NEK10: variants seen among roughly 807,000 people sequenced by gnomAD.
NEK10 encodes NIMA related kinase 10.
Under a neutral mutation model 159.8 loss-of-function variants are expected in NEK10, and 122 were observed. That is an observed-to-expected ratio of 0.76 (90% CI 0.66 to 0.89). NEK10 has a LOEUF of 0.89. NEK10 is among the 40% of genes least tolerant of loss of function. The probability of loss-of-function intolerance (pLI) is 0.00; values close to 1 mark genes in which losing one functional copy is unlikely to be tolerated. For synonymous variants in NEK10, 466 were observed against 457.1 expected (o/e 1.02, Z -0.25); for missense variants, 1,342 against 1,323.1 (o/e 1.01, Z -0.22).
At position 27,344,315 on chromosome 3, in the gene NEK10, GAAA is replaced by G; in HGVS notation, c.316_318del (p.Phe106del). ...TTCACCAAGGCGGTAAAGATCTCCT[GAAA>G]TAGTTTACGCTGAGGATGTTTGCTG... On this transcript the variant is annotated inframe_deletion, in exon 5 of 36. Coordinates refer to ENST00000691995, the MANE Select transcript of NEK10 (RefSeq NM_001394966.1). The G allele has an allele frequency of 6.3e-7, 1 of 1,599,296 alleles. No homozygotes were observed. The highest frequency in any genetic ancestry group is 8.5e-7 in the Non-Finnish European group (1 of 1,170,072).
chr3:27,338,836 T>G (rs1285538519), intron 5 of NEK10, among the ~76,000 whole-genome samples: 2 of 152,222 alleles, frequency 1.3e-5, no homozygotes, highest in East Asian at 3.9e-4. Flanking sequence ...CTTTGTCAGA[T>G]GGCTAGATTG....
chr3:27,210,034 A>G (rs980436415), intron 23 of NEK10, among the ~76,000 whole-genome samples: 3 of 140,084 alleles, frequency 2.1e-5, no homozygotes, highest in Non-Finnish European at 3.2e-5. Flanking sequence ...TGAAAGTCTG[A>G]TAAGAGACAT....
At chr3:27,242,723 C>T (rs1470645005) in intron 23 of NEK10, among the ~76,000 whole-genome samples, 2 of 152,104 alleles carry the variant, frequency 1.3e-5, no homozygotes, top group East Asian at 3.8e-4. Flanking sequence ...TACAGATGAA[C>T]TCAGAAGAAT....
chr3:27,262,364 T>C (rs535554181), intron 22 of NEK10, among the ~76,000 whole-genome samples: 1 of 152,304 alleles, frequency 6.6e-6, no homozygotes, highest in Non-Finnish European at 1.5e-5. Context: ...ATTTCCTGAA[T>C]TTAAATGTTG....
In NEK10 at chr3:27,150,359, C is replaced by T. The variant is rs1204367032; in HGVS notation, c.2870-8777G>A. Among the ~76,000 whole-genome samples, 3 of 152,114 alleles carry T rather than the reference C, an allele frequency of 2.0e-5. No homozygotes were observed. The East Asian group carries it at 5.8e-4, about 29-fold the overall frequency. ...CATAGCTAGGGAGGAGAAATCAAAG[C>T]CTGGCTTCAAAGTACAGGCTGACTC... On this transcript the variant is annotated intron_variant, in intron 30 of 35. Coordinates refer to ENST00000691995, the MANE Select transcript of NEK10 (RefSeq NM_001394966.1).
At chr3:27,124,151 G>A (rs944325795) in intron 32 of NEK10, among the ~76,000 whole-genome samples, 1 of 152,040 alleles carries the variant, frequency 6.6e-6, no homozygotes, top group Non-Finnish European at 1.5e-5. Context: ...CTACAAGTAA[G>A]GGGGGCCTGG....
chr3:27,136,153 C>T (rs1943182962), intron 31 of NEK10, among the ~76,000 whole-genome samples: 1 of 143,806 alleles, frequency 7.0e-6, no homozygotes, highest in African/African-American at 2.6e-5. Context: ...TGCTCTGTCA[C>T]CCAGGCTGGA....
chr3:27,309,008 GA>G lies in NEK10; in HGVS notation c.637-4del. 6.7e-7 allele frequency: 1 copy of G among 1,501,766 alleles called. No individual in the cohort carries two copies. Among genetic ancestry groups the G allele is most frequent in the Non-Finnish European group, 9.2e-7 (1 of 1,083,334 alleles). The allele number at this position is 1,501,766 out of a possible 1,614,324, so 93.0% of individuals were successfully genotyped here. A position where few individuals can be genotyped will look rare whatever the true frequency, so the allele number is the denominator to read the frequency against. On this transcript the variant is annotated splice_region_variant and splice_polypyrimidine_tract_variant and intron_variant, in intron 9 of 35. Coordinates refer to ENST00000691995, the MANE Select transcript of NEK10 (RefSeq NM_001394966.1). ...GCACCAAGTAAATTTACTAATGTCT[GA>G]AAAATGAAGTAAAATAAAGTTTAAT...
intron 3 of NEK10, among the ~76,000 whole-genome samples, 175 bp from the exon 4 acceptor site, chr3:27,346,391 A>T (rs1452703306): frequency 6.6e-6 from 1 of 152,206 alleles, no homozygotes; most frequent in East Asian, 1.9e-4. Context: ...CTTTGACTTA[A>T]ACATCTACCT....
rs1366148808 is a variant in NEK10 at position 27,284,955 on chromosome 3, C to A, written c.1796G>T (p.Arg599Met). ...RYYKTFLEND[R>M]LYIVMELIEG... ...TATCAGCTCCATAACTATGTACAAC[C>A]TATCATCTATATAAATATCACAAAA... is the stretch of plus-strand genomic sequence containing the variant. The change falls in exon 21 of 36, where the codon AGG (arginine) becomes ATG (methionine). Residue 599 changes from arginine to methionine, a missense_variant. Physicochemically the swap from Arg to Met is moderately conservative, Grantham distance 91 (BLOSUM62 -1). Coordinates refer to ENST00000691995, the MANE Select transcript of NEK10 (RefSeq NM_001394966.1). 4 of 1,593,690 alleles carry A rather than the reference C, an allele frequency of 2.5e-6. No homozygotes were observed. The highest frequency in any genetic ancestry group is 2.6e-6 in the Non-Finnish European group (3 of 1,172,586).
At chr3:27,182,704 T>C (rs1302396772) in intron 26 of NEK10, among the ~76,000 whole-genome samples, 2 of 151,968 alleles carry the variant, frequency 1.3e-5, no homozygotes, top group Admixed American at 1.3e-4. Context: ...TAAGTACCCA[T>C]CAAAAGATGA....
chr3:27,331,154 C>T (rs2046363056), intron 5 of NEK10, among the ~76,000 whole-genome samples: 1 of 146,652 alleles, frequency 6.8e-6, no homozygotes, highest in Admixed American at 7.0e-5. Context: ...GGGAGAATCG[C>T]TTAAACTTGG....
chr3:27,167,441 G>A (rs968164981), intron 29 of NEK10, among the ~76,000 whole-genome samples: 8 of 152,176 alleles, frequency 5.3e-5, no homozygotes, highest in African/African-American at 1.2e-4. Context: ...TAAGATGGTC[G>A]TAAAACAATG....
intron 20 of NEK10, among the ~76,000 whole-genome samples, chr3:27,286,657 T>C (rs1369051722): frequency 6.7e-6 from 1 of 148,216 alleles, no homozygotes; most frequent in African/African-American, 2.5e-5. Flanking sequence ...CCCAAAATGC[T>C]AGGATCATAG....
At chr3:27,305,135 T>C (rs1374676608) in intron 11 of NEK10, among the ~76,000 whole-genome samples, 164 bp from the exon 12 acceptor site, 1 of 152,200 alleles carries the variant, frequency 6.6e-6, no homozygotes, top group Non-Finnish European at 1.5e-5. Context: ...AGCCAAACAC[T>C]TTTAGCTTTA....
At chr3:27,358,642 T>C (rs1491000961) in intron 1 of NEK10, among the ~76,000 whole-genome samples, 2 of 152,174 alleles carry the variant, frequency 1.3e-5, no homozygotes, top group African/African-American at 4.8e-5. Context: ...ATTAACCTAC[T>C]AACTAAATAA....
At chr3:27,264,569 T>C (rs1203450176) in intron 22 of NEK10, among the ~76,000 whole-genome samples, 3 of 152,164 alleles carry the variant, frequency 2.0e-5, no homozygotes, top group African/African-American at 7.2e-5. Context: ...CATGCACATA[T>C]AGCCCCTGAA....
intron 26 of NEK10, among the ~76,000 whole-genome samples, chr3:27,176,586 C>T (rs1365911049): frequency 6.6e-6 from 1 of 152,238 alleles, no homozygotes; most frequent in Non-Finnish European, 1.5e-5. Context: ...TCAACTTCTT[C>T]CATGCCTACC....
At chr3:27,273,207 G>A (rs2041509843) in intron 22 of NEK10, among the ~76,000 whole-genome samples, 1 of 152,210 alleles carries the variant, frequency 6.6e-6, no homozygotes. Flanking sequence ...CTGCAGCCAT[G>A]TTCAGGTGAC....
Sources: allele counts gnomAD v4.1 joint callset (sites outside exome capture counted in the v4.1 genomes callset), GRCh38; gene constraint gnomAD v4.1.1; transcripts MANE v1.5; gene names NCBI Gene and HGNC (gene_info 2026-07-23, HGNC 2026-07-21).